Variants in NAV3 observed in about 807,000 individuals in gnomAD.
The protein encoded by NAV3 is pore membrane and/or filament interacting like protein 1.
A neutral mutation model predicts 244.7 loss-of-function variants in NAV3; 87 were observed. The observed-to-expected ratio is 0.36, with a 90% CI of 0.30 to 0.42. The LOEUF (loss-of-function observed/expected upper bound fraction) is 0.42, where lower values mean the gene tolerates loss of function less well. Among genes scored for constraint, NAV3 ranks in the 20% least tolerant of loss-of-function variants. The probability of loss-of-function intolerance (pLI) is 1.00; values close to 1 mark genes in which losing one functional copy is unlikely to be tolerated. For synonymous variants in NAV3, 1,126 were observed against 1,042.2 expected, an observed-to-expected ratio of 1.08 and a Z score of -1.55; for missense variants, 2,663 against 2,893.3, an observed-to-expected ratio of 0.92 and a Z score of 1.83.
chr12:77,890,930 G>A (rs1003562128), intron 1 of NAV3, among the ~76,000 whole-genome samples: 1 of 152,104 alleles, frequency 6.6e-6, no homozygotes, highest in Non-Finnish European at 1.5e-5. Context: ...CATACACAAT[G>A]TTCTAATATG....
chr12:78,082,259 ATGTCT>A (rs1209744367), intron 12 of NAV3, among the ~76,000 whole-genome samples: 1 of 152,200 alleles, frequency 6.6e-6, no homozygotes, highest in African/African-American at 2.4e-5. Flanking sequence ...AGTCTCAGGT[ATGTCT>A]TTATGAGCAG....
At chr12:78,114,634 A>G (rs947732014) in intron 12 of NAV3, among the ~76,000 whole-genome samples, 3 of 152,158 alleles carry the variant, frequency 2.0e-5, no homozygotes, top group Non-Finnish European at 2.9e-5. Context: ...TTACCTCCCA[A>G]CGGGTTCCTC....
At chr12:77,972,486 C>A (rs1893078080) in intron 5 of NAV3, among the ~76,000 whole-genome samples, 1 of 151,850 alleles carries the variant, frequency 6.6e-6, no homozygotes, top group Admixed American at 6.6e-5. Context: ...GGTAAAGATT[C>A]AATATCTTGC....
At chr12:78,064,242 A>T (rs1884687014) in intron 12 of NAV3, among the ~76,000 whole-genome samples, 1 of 152,134 alleles carries the variant, frequency 6.6e-6, no homozygotes, top group African/African-American at 2.4e-5. Flanking sequence ...ATAGACATTT[A>T]GTTTTTCACA....
chr12:78,131,471 G>T (rs1956163033), intron 18 of NAV3, among the ~76,000 whole-genome samples: 2 of 152,108 alleles, frequency 1.3e-5, no homozygotes, highest in South Asian at 4.1e-4. Flanking sequence ...TGTTTGTGTA[G>T]GTCATAGGAA....
chr12:78,185,758 T>C (rs1958687249), intron 31 of NAV3, 60 bp downstream of exon 31: 6 of 1,406,832 alleles, frequency 4.3e-6, no homozygotes, highest in African/African-American at 1.4e-5. Context: ...GAGTCAAGTG[T>C]ATTTTATGTG....
At chr12:77,898,757 C>T (rs1406853666) in intron 1 of NAV3, among the ~76,000 whole-genome samples, 1 of 152,214 alleles carries the variant, frequency 6.6e-6, no homozygotes, top group African/African-American at 2.4e-5. Context: ...TTTCAACTCT[C>T]ACTCTAAGAA....
At chr12:78,018,082 C>T (rs538097492) in intron 8 of NAV3, among the ~76,000 whole-genome samples, 9 of 152,192 alleles carry the variant, frequency 5.9e-5, no homozygotes, top group East Asian at 3.9e-4. Context: ...TTTCTTTCAT[C>T]GATCAATCTA....
intron 2 of NAV3, among the ~76,000 whole-genome samples, chr12:77,700,823 A>T (rs1875526957): frequency 6.6e-6 from 1 of 151,918 alleles, no homozygotes; most frequent in African/African-American, 2.4e-5. Flanking sequence ...ATGACTTTTT[A>T]TTCTATTAAT....
chr12:77,878,887 A>G (rs1381783884), intron 1 of NAV3, among the ~76,000 whole-genome samples: 1 of 152,144 alleles, frequency 6.6e-6, no homozygotes, highest in Admixed American at 6.6e-5. Context: ...TAGCTGAAAT[A>G]AACTAATCTT....
chr12:77,624,090 C>G (rs1320599178), intron 2 of NAV3, among the ~76,000 whole-genome samples: 1 of 152,036 alleles, frequency 6.6e-6, no homozygotes, highest in African/African-American at 2.4e-5. Flanking sequence ...CAGTAAGCAC[C>G]AGAAAAGCAG....
At chr12:77,790,802 C>G (rs1240552904) in intron 2 of NAV3, among the ~76,000 whole-genome samples, 1 of 152,158 alleles carries the variant, frequency 6.6e-6, no homozygotes, top group Non-Finnish European at 1.5e-5. Flanking sequence ...TAAGAACATT[C>G]AGGAGTGCAA....
intron 1 of NAV3, among the ~76,000 whole-genome samples, chr12:77,887,488 A>T (rs532224513): frequency 9.2e-5 from 14 of 152,204 alleles, no homozygotes; most frequent in African/African-American, 3.4e-4. Context: ...ATTCATATTT[A>T]TTTTTGTGAT....
rs753792894 is a variant in NAV3 at position 78,122,000 on chromosome 12, ATCT to A, written c.3813_3815del (p.Ser1273del). ...CTGCACCTAATACTGAGGGTGTGAA[ATCT>A]TCCTCAGTAATGCCCAGCCCTAGTA... On this transcript the variant is annotated inframe_deletion, in exon 16 of 40. Transcript: ENST00000397909. 5 of 1,614,120 alleles carry A rather than the reference ATCT, an allele frequency of 3.1e-6. No homozygotes were observed. In the South Asian group the frequency reaches 5.5e-5, roughly 18 times the overall value.
At chr12:77,626,728 G>A (rs915132136) in intron 2 of NAV3, among the ~76,000 whole-genome samples, 26 of 152,202 alleles carry the variant, frequency 1.7e-4, no homozygotes, top group African/African-American at 6.0e-4. Flanking sequence ...AATGAAAACT[G>A]TATAAATAAA....
intron 2 of NAV3, among the ~76,000 whole-genome samples, chr12:77,634,198 G>T (rs1872052380): frequency 6.6e-6 from 1 of 151,348 alleles, no homozygotes; most frequent in Non-Finnish European, 1.5e-5. Context: ...TAGCTTAACT[G>T]GTCCCTGACA....
chr12:77,639,993 C>A (rs769497465), intron 2 of NAV3, among the ~76,000 whole-genome samples: 1 of 151,898 alleles, frequency 6.6e-6, no homozygotes, highest in Admixed American at 6.6e-5. Context: ...GGGAATGACC[C>A]CAGACAAAGA....
chr12:77,859,563 A>G (rs1042241984), intron 1 of NAV3, among the ~76,000 whole-genome samples: 1 of 151,454 alleles, frequency 6.6e-6, no homozygotes, highest in Admixed American at 6.6e-5. Flanking sequence ...GCACATGTAT[A>G]TGTATGTTAC....
chr12:77,895,819 G>A (rs948402782), intron 1 of NAV3, among the ~76,000 whole-genome samples: 1 of 147,100 alleles, frequency 6.8e-6, no homozygotes, highest in East Asian at 2.0e-4. Flanking sequence ...TCTGATAAAA[G>A]GTGTCATGTT....
Sources: allele counts gnomAD v4.1 joint callset (sites outside exome capture counted in the v4.1 genomes callset), GRCh38; gene constraint gnomAD v4.1.1; transcripts MANE v1.5; gene names NCBI Gene and HGNC (gene_info 2026-07-23, HGNC 2026-07-21).